The following ANK3 variants were observed in gnomAD, a reference collection of about 807,000 sequenced individuals.
ANK3 encodes ankyrin-3.
ANK3 carries 57 observed loss-of-function variants against 370.9 expected under a neutral mutation model. The ratio of observed to expected loss-of-function variants is 0.15; its 90% CI spans 0.12 to 0.19. ANK3 has a LOEUF of 0.19. ANK3 is among the 10% of genes least tolerant of loss of function. The probability of loss-of-function intolerance (pLI) is 1.00; values close to 1 mark genes in which losing one functional copy is unlikely to be tolerated. For synonymous variants in ANK3, 1,929 were observed against 1,946.3 expected (o/e 0.99, Z 0.23); for missense variants, 4,439 against 5,302.1 (o/e 0.84, Z 5.06).
At chr10:60,280,811 C>T (rs549800090) in intron 1 of ANK3, among the ~76,000 whole-genome samples, 2 of 152,268 alleles carry the variant, frequency 1.3e-5, no homozygotes, top group South Asian at 2.1e-4. Flanking sequence ...TTGTTCATGC[C>T]GCCTCATCTG....
chr10:60,222,560 G>T (rs1360770139), intron 8 of ANK3, among the ~76,000 whole-genome samples: 2 of 152,002 alleles, frequency 1.3e-5, no homozygotes, highest in Non-Finnish European at 2.9e-5. Context: ...CCTGACACAC[G>T]GTTCTGATTT....
In ANK3 at chr10:60,083,599, T is replaced by C. The variant is rs1481885907; in HGVS notation, c.4093A>G (p.Ile1365Val). Reference sequence around the variant, plus strand: ...AAATTTCCATAACAATCAACATAAATAGGTTTTCCTTCCAGAACCTTTTAG... The same window carrying C: ...AAATTTCCATAACAATCAACATAAACAGGTTTTCCTTCCAGAACCTTTTAG... Reference protein sequence around the residue: ...KDIEVLEGKPIYVDCYGNLAP... With the variant: ...KDIEVLEGKPVYVDCYGNLAP... The change falls in exon 33 of 44, where the codon ATT becomes GTT. Residue 1365 changes from isoleucine (I) to valine (V), a missense_variant. Ile to Val is a conservative substitution (Grantham distance 29). Coordinates refer to ENST00000280772, the MANE Select transcript of ANK3 (RefSeq NM_020987.5). 1 of 1,605,376 alleles carries C rather than the reference T, an allele frequency of 6.2e-7. No homozygotes were observed. Among genetic ancestry groups the C allele is most frequent in the Non-Finnish European group, 8.5e-7 (1 of 1,175,840 alleles).
intron 1 of ANK3, among the ~76,000 whole-genome samples, chr10:60,355,725 C>T (rs933951724): frequency 2.0e-5 from 3 of 152,192 alleles, no homozygotes; most frequent in Non-Finnish European, 4.4e-5. Flanking sequence ...TTCAAACCTT[C>T]CCCAACATCT....
rs1415632259 is a variant in ANK3 at position 60,272,467 on chromosome 10, T to C, written c.415-2238A>G. ...TTTAGAAGTTTTTTGTTGTTGTTGT[T>C]GTTGTTGTTCTTGTTTGTTTTTTTT... On this transcript the variant is annotated intron_variant, in intron 4 of 43. Transcript: ENST00000280772. Among the ~76,000 whole-genome samples the C allele has an allele frequency of 2.5e-5, 3 of 118,888 alleles. No individual in the cohort carries two copies. In the Admixed American group the frequency reaches 2.7e-4, roughly 11 times the overall value. 78.0% of individuals were successfully genotyped at this position (118,888 alleles called of 152,430 possible). A position where few individuals can be genotyped will look rare whatever the true frequency, so the allele number is the denominator to read the frequency against.
At chr10:60,350,354 A>G (rs2056596824) in intron 1 of ANK3, among the ~76,000 whole-genome samples, 1 of 152,222 alleles carries the variant, frequency 6.6e-6, no homozygotes. Flanking sequence ...TTAAACAAAC[A>G]GAGGAAAGAG....
upstream of ANK3, among the ~76,000 whole-genome samples, chr10:60,391,092 C>A (rs1358339319): frequency 6.6e-6 from 1 of 152,152 alleles, no homozygotes; most frequent in Admixed American, 6.5e-5. Flanking sequence ...TTGTAGGACG[C>A]TTTATAGTCT....
At chr10:60,603,469 A>G (rs1006553282) in intron 2 of ANK3, among the ~76,000 whole-genome samples, 5 of 152,154 alleles carry the variant, frequency 3.3e-5, no homozygotes, top group Non-Finnish European at 5.9e-5. Flanking sequence ...TGCAAATTAT[A>G]AAGTTTATAT....
At chr10:60,163,441 T>C (rs1012402320) in intron 23 of ANK3, among the ~76,000 whole-genome samples, 8 of 152,184 alleles carry the variant, frequency 5.3e-5, no homozygotes, top group Non-Finnish European at 1.2e-4. Flanking sequence ...CCACCTGTGT[T>C]CAACTTTGCA....
intron 1 of ANK3, among the ~76,000 whole-genome samples, chr10:60,710,568 T>C (rs943432427): frequency 2.0e-5 from 3 of 152,188 alleles, no homozygotes; most frequent in Admixed American, 6.5e-5. Context: ...GGTTCATCTG[T>C]GAGTGTTTTC....
At position 60,347,728 on chromosome 10, in the gene ANK3, T is replaced by C. The variant is rs1417502254; in HGVS notation, c.114+41697A>G. ...ACCTATTCGTAATGATATAAAGAGGTGTACCTTAAATCAATGGTTGCAACA... is the reference window on the plus strand; with the variant it reads ...ACCTATTCGTAATGATATAAAGAGGCGTACCTTAAATCAATGGTTGCAACA... On this transcript the variant is annotated intron_variant, in intron 1 of 43. Transcript: ENST00000280772. Among the ~76,000 whole-genome samples, 9 of 152,112 alleles carry C rather than the reference T, an allele frequency of 5.9e-5. No individual in the cohort carries two copies. The East Asian group carries it at 1.5e-3, about 26-fold the overall frequency.
intron 2 of ANK3, among the ~76,000 whole-genome samples, chr10:60,470,048 T>C (rs886760418): frequency 6.6e-6 from 1 of 152,082 alleles, no homozygotes; most frequent in South Asian, 2.1e-4. Context: ...CGGAGTTGAA[T>C]AGTTTTCCTC....
At chr10:60,464,980 C>G (rs1255301308) in intron 2 of ANK3, among the ~76,000 whole-genome samples, 1 of 152,076 alleles carries the variant, frequency 6.6e-6, no homozygotes, top group Non-Finnish European at 1.5e-5. Context: ...ATGAGAAGTT[C>G]CTGCTCCAAG....
intron 1 of ANK3, among the ~76,000 whole-genome samples, chr10:60,316,553 T>C (rs955029600): frequency 6.6e-6 from 1 of 152,144 alleles, no homozygotes; most frequent in Non-Finnish European, 1.5e-5. Flanking sequence ...ATGTAATATA[T>C]ACAATGAGGT....
intron 2 of ANK3, among the ~76,000 whole-genome samples, chr10:60,484,485 A>T (rs1261008834): frequency 6.6e-6 from 1 of 152,220 alleles, no homozygotes; most frequent in Non-Finnish European, 1.5e-5. Context: ...TAAAGAAACA[A>T]GCGTGGCAAT....
chr10:60,108,815 G>T lies in ANK3; in HGVS notation c.3173+15C>A. On this transcript the variant is annotated intron_variant, in intron 27 of 43. Coordinates refer to ENST00000280772, the MANE Select transcript of ANK3 (RefSeq NM_020987.5). ...CATTGTGAGGGCCAAGGTTAAAATT[G>T]ACAAAACAACTTACCCTAAAAATTG... The T allele has an allele frequency of 6.2e-7, 1 of 1,608,866 alleles. No homozygotes were observed. Among genetic ancestry groups the T allele is most frequent in the South Asian group, 1.1e-5 (1 of 90,872 alleles).
chr10:60,251,954 T>A (rs1566002478), intron 7 of ANK3, among the ~76,000 whole-genome samples: 1 of 152,220 alleles, frequency 6.6e-6, no homozygotes, highest in African/African-American at 2.4e-5. Context: ...GGCTTCAGCC[T>A]CCTTTTCTTG....
At chr10:60,416,602 G>A (rs1020757890) in intron 2 of ANK3, among the ~76,000 whole-genome samples, 1 of 152,128 alleles carries the variant, frequency 6.6e-6, no homozygotes. Flanking sequence ...TGGAATGATG[G>A]AAAAGTTCTA....
chr10:60,665,052 A>G (rs908045941), intron 1 of ANK3, among the ~76,000 whole-genome samples: 9 of 152,142 alleles, frequency 5.9e-5, no homozygotes, highest in African/African-American at 2.2e-4. Flanking sequence ...AAGAATGAGC[A>G]TGTTGCCTAT....
intron 18 of ANK3, among the ~76,000 whole-genome samples, chr10:60,176,711 A>C (rs2095971752): frequency 6.6e-6 from 1 of 152,178 alleles, no homozygotes; most frequent in African/African-American, 2.4e-5. Context: ...GTGAGCCAAG[A>C]TCACACAACT....
Sources: allele counts gnomAD v4.1 joint callset (sites outside exome capture counted in the v4.1 genomes callset), GRCh38; gene constraint gnomAD v4.1.1; transcripts MANE v1.5; gene names NCBI Gene and HGNC (gene_info 2026-07-23, HGNC 2026-07-21).